Variants in AP2A2 observed in about 807,000 individuals in gnomAD.
AP2A2 encodes the protein AP-2 complex subunit alpha-2.
AP2A2 carries 32 observed loss-of-function variants against 104.2 expected under a neutral mutation model. That is an observed-to-expected ratio of 0.31 (90% CI 0.23 to 0.41). AP2A2 has a LOEUF of 0.41. Among genes scored for constraint, AP2A2 ranks in the 10% least tolerant of loss-of-function variants. The pLI is 1.00. For synonymous variants in AP2A2, 539 were observed against 533.3 expected (o/e 1.01, Z -0.15); for missense variants, 912 against 1,261.0 (o/e 0.72, Z 4.19).
chr11:993,600 C>A lies in AP2A2; in HGVS notation c.1551-154C>A, dbSNP rs1048258886. Among the ~76,000 whole-genome samples, 3 of 151,968 alleles carry A rather than the reference C, an allele frequency of 2.0e-5. No individual in the cohort carries two copies. The highest frequency in any genetic ancestry group is 7.2e-5 in the African/African-American group (3 of 41,380). ...TTGATGGCTGACTTAGTGAAAGGGG[C>A]GTCTTTGCGGTGGGATCTGGAGCTG... On this transcript the variant is annotated intron_variant, in intron 12 of 21. Transcript: ENST00000448903. The surrounding 1 kb of genome is among the most constrained non-coding windows in gnomAD (Gnocchi z 8.2).
intron 6 of AP2A2, among the ~76,000 whole-genome samples, chr11:982,044 G>T (rs1054154030): frequency 2.6e-5 from 4 of 152,224 alleles, no homozygotes. Context: ...GGAGCTCTGT[G>T]ATTTATTTTT....
chr11:959,774 AGCGTGCTGG>A (rs1375247633), intron 2 of AP2A2, among the ~76,000 whole-genome samples: 1 of 152,146 alleles, frequency 6.6e-6, no homozygotes, highest in African/African-American at 2.4e-5. Flanking sequence ...CCACCAGGCC[AGCGTGCTGG>A]GGGTTCAGAG....
intron 1 of AP2A2, among the ~76,000 whole-genome samples, chr11:952,814 A>G (rs1394480318): frequency 6.6e-6 from 1 of 152,176 alleles, no homozygotes; most frequent in African/African-American, 2.4e-5. Context: ...CCTCAAGCTA[A>G]TTTATCTAAA....
rs1554887918 is a variant in AP2A2, at chr11:974,698, A to AAAAG, written c.474-2392_474-2389dup. Reference sequence around the variant, plus strand: ...ACTCTGTCTCAAAAAAAAAAAAAAAAAAAGAAAGCTGGGCATGGTGGCTCA... The same window carrying AAAAG: ...ACTCTGTCTCAAAAAAAAAAAAAAAAAAAGAAAGAAAGCTGGGCATGGTGGCTCA... On this transcript the variant is annotated intron_variant, in intron 4 of 21. Coordinates refer to ENST00000448903, the MANE Select transcript of AP2A2 (RefSeq NM_012305.4). Among the ~76,000 whole-genome samples the AAAAG allele has an allele frequency of 2.0e-3, 269 of 137,190 alleles. 17 individuals carry two copies. The highest frequency in any genetic ancestry group is 2.8e-3 in the Admixed American group (35 of 12,686). The allele number at this position is 137,190 out of a possible 152,430, so 90.0% of individuals were successfully genotyped here.
In AP2A2 at chr11:992,521, C is replaced by T. The variant is rs1308719842; in HGVS notation, c.1288C>T (p.Leu430=). ...CCCACAGGTGCTGAAGGTCGCCATC[C>T]TGGCTGAGAAGTACGCGGTGGACTA... ...REEIVLKVAI[L]AEKYAVDYTW... is the part of the protein sequence containing the mutation. Residue 430 remains leucine (L), a synonymous_variant, in exon 11 of 22, where the codon CTG becomes TTG. Transcript: ENST00000448903. The surrounding 1 kb of genome is among the most constrained non-coding windows in gnomAD (Gnocchi z 6.4). 1 of 1,600,330 alleles carries T rather than the reference C, an allele frequency of 6.2e-7. No individual in the cohort carries two copies. Among genetic ancestry groups the T allele is most frequent in the Non-Finnish European group, 8.5e-7 (1 of 1,173,568 alleles).
intron 1 of AP2A2, among the ~76,000 whole-genome samples, chr11:949,857 G>A (rs1431136118): frequency 6.6e-6 from 1 of 151,512 alleles, no homozygotes; most frequent in Non-Finnish European, 1.5e-5. Context: ...CTTAACATCT[G>A]AAAATCAATC....
intron 14 of AP2A2, among the ~76,000 whole-genome samples, chr11:996,415 G>A (rs1564817661): frequency 6.6e-6 from 1 of 152,236 alleles, no homozygotes; most frequent in Non-Finnish European, 1.5e-5. Context: ...ACTCGCTGAG[G>A]GAGCATGGAA....
chr11:993,661 C>A lies in AP2A2; in HGVS notation c.1551-93C>A. 1 of 983,912 alleles carries A rather than the reference C, an allele frequency of 1.0e-6. No homozygotes were observed. The highest frequency in any genetic ancestry group is 1.5e-6 in the Non-Finnish European group (1 of 662,238). 60.9% of individuals were successfully genotyped at this position (983,912 alleles called of 1,614,324 possible). ...CCGACCAGCGGCCTCTGGTGCAGGCCAGGGGGTCTCGCCGCCGTCCCCCCC... is the reference window on the plus strand; with the variant it reads ...CCGACCAGCGGCCTCTGGTGCAGGCAAGGGGGTCTCGCCGCCGTCCCCCCC... On this transcript the variant is annotated intron_variant, in intron 12 of 21. Coordinates refer to ENST00000448903, the MANE Select transcript of AP2A2 (RefSeq NM_012305.4). This position sits in a 1 kb window ranked among gnomAD's most constrained non-coding sequence, Gnocchi z 8.2.
At chr11:962,877 C>T (rs1469631826) in intron 2 of AP2A2, among the ~76,000 whole-genome samples, 3 of 152,082 alleles carry the variant, frequency 2.0e-5, no homozygotes, top group Non-Finnish European at 4.4e-5. Flanking sequence ...CGCGCGTACC[C>T]TGGGTGGTGG....
intron 2 of AP2A2, among the ~76,000 whole-genome samples, chr11:960,640 C>A (rs10902250): frequency 0.5 from 73,170 of 147,664 alleles, 18,186 homozygotes; most frequent in Admixed American, 0.64. Context: ...AGCCTCCCAA[C>A]ATGCTGGGAT....
At chr11:940,840 G>T (rs1346073100) in intron 1 of AP2A2, 4 of 456,146 alleles carry the variant, frequency 8.8e-6, no homozygotes, top group South Asian at 4.6e-5. Flanking sequence ...CTGAGGAGGA[G>T]CCTGAATGCT....
intron 2 of AP2A2, among the ~76,000 whole-genome samples, chr11:966,127 T>C (rs1489045929): frequency 2.0e-5 from 3 of 152,240 alleles, no homozygotes; most frequent in African/African-American, 7.2e-5. Flanking sequence ...ATTACAGGCG[T>C]AAGCCACTGC....
At position 994,053 on chromosome 11, in the gene AP2A2, A is replaced by C; in HGVS notation, c.1783-19A>C. 6.2e-7 allele frequency: 1 copy of C among 1,611,900 alleles called. No individual in the cohort carries two copies. Among genetic ancestry groups the C allele is most frequent in the Non-Finnish European group, 8.5e-7 (1 of 1,179,404 alleles). On this transcript the variant is annotated intron_variant, in intron 13 of 21. Coordinates refer to ENST00000448903, the MANE Select transcript of AP2A2 (RefSeq NM_012305.4). Reference sequence around the variant, plus strand: ...GAGGCCAGGAGCTCTGACCAGTCCCACCCTGTGTTCTTTCCAAGGCGACCG... The same window carrying C: ...GAGGCCAGGAGCTCTGACCAGTCCCCCCCTGTGTTCTTTCCAAGGCGACCG...
chr11:927,130 C>T (rs1355321193), intron 1 of AP2A2, among the ~76,000 whole-genome samples: 1 of 152,096 alleles, frequency 6.6e-6, no homozygotes, highest in African/African-American at 2.4e-5. Context: ...GCAGTAGTTC[C>T]ATCACGGCGC....
In AP2A2 at chr11:992,346, C is replaced by A; in HGVS notation, c.1270-157C>A. 1 of 753,162 alleles carries A rather than the reference C, an allele frequency of 1.3e-6. No individual in the cohort carries two copies. The highest frequency in any genetic ancestry group is 2.2e-6 in the Non-Finnish European group (1 of 456,204). The allele number at this position is 753,162 out of a possible 1,614,324, so 46.7% of individuals were successfully genotyped here. On this transcript the variant is annotated intron_variant, in intron 10 of 21. Coordinates refer to ENST00000448903, the MANE Select transcript of AP2A2 (RefSeq NM_012305.4). The surrounding 1 kb of genome is among the most constrained non-coding windows in gnomAD (Gnocchi z 6.4). ...ATCTTAAACTTTCTGGGCTCGTGGG[C>A]TTTTTTGAGAATCGAGTTCAAGCTT... is the stretch of plus-strand genomic sequence containing the variant.
chr11:1,002,398 C>T (rs1457424676), intron 15 of AP2A2, among the ~76,000 whole-genome samples: 1 of 152,254 alleles, frequency 6.6e-6, no homozygotes, highest in Non-Finnish European at 1.5e-5. Context: ...ATGTTCCAGG[C>T]TGTGTTGTGG....
Position 1,009,641 on chromosome 11 carries a change from G to A in AP2A2, c.2608-42G>A, listed in dbSNP as rs150317205. 8,000 of 1,479,034 alleles carry A rather than the reference G, an allele frequency of 5.4e-3. 308 individuals are homozygous for A. In the African/African-American group the frequency reaches 0.089, roughly 16 times the overall value. 91.6% of individuals were successfully genotyped at this position (1,479,034 alleles called of 1,614,324 possible). ...CGGCCCCGGGGGACACGCTGCCCGC[G>A]ACCCCGCGCCAGGGTCCTCATTCTC... On this transcript the variant is annotated intron_variant, in intron 20 of 21. Coordinates refer to ENST00000448903, the MANE Select transcript of AP2A2 (RefSeq NM_012305.4).
In AP2A2 at chr11:984,403, A is replaced by G. The variant is rs937469388; in HGVS notation, c.706-242A>G. Among the ~76,000 whole-genome samples, 10 of 152,130 alleles carry G rather than the reference A, an allele frequency of 6.6e-5. No individual in the cohort carries two copies. The South Asian group carries it at 1.2e-3, about 19-fold the overall frequency. On this transcript the variant is annotated intron_variant, in intron 6 of 21. Transcript: ENST00000448903. ...GACTGTAGTTTCAAATCCAGGTGCTATGGTGTCTTGTACCGAGCGAGGGCT... is the reference window on the plus strand; with the variant it reads ...GACTGTAGTTTCAAATCCAGGTGCTGTGGTGTCTTGTACCGAGCGAGGGCT...
At chr11:963,267 G>A (rs28371994) in intron 2 of AP2A2, among the ~76,000 whole-genome samples, 150,532 of 152,064 alleles carry the variant, frequency 0.99, 74,519 homozygotes, top group Middle Eastern at 1. Flanking sequence ...GTCTATTAAA[G>A]ATACAAGAAT....
Sources: allele counts gnomAD v4.1 joint callset (sites outside exome capture counted in the v4.1 genomes callset), GRCh38; gene constraint gnomAD v4.1.1; non-coding constraint Gnocchi (gnomAD v3.1); transcripts MANE v1.5; gene names NCBI Gene and HGNC (gene_info 2026-07-23, HGNC 2026-07-21).